The following SWAP70 variants were observed in gnomAD, a reference collection of about 807,000 sequenced individuals.
SWAP70 encodes switch-associated protein 70.
In SWAP70, 34 loss-of-function variants were observed where a neutral mutation model predicts 80.2. The observed-to-expected ratio is 0.42, with a 90% CI of 0.32 to 0.56. The LOEUF is 0.56. Among genes scored for constraint, SWAP70 ranks in the 20% least tolerant of loss-of-function variants. The pLI, the probability that SWAP70 is intolerant of heterozygous loss-of-function variation, is 0.09. For missense variants in SWAP70, 578 were observed against 690.7 expected (o/e 0.84, Z 1.83); for synonymous variants, 239 against 238.5 (o/e 1.00, Z -0.02).
At chr11:9,677,756 AT>A (rs1172066526) in intron 1 of SWAP70, among the ~76,000 whole-genome samples, 2 of 152,102 alleles carry the variant, frequency 1.3e-5, no homozygotes, top group Admixed American at 1.3e-4. Flanking sequence ...CTTTAAAAAA[AT>A]TTATTGTACC....
At chr11:9,732,972 A>G (rs1851319972) in intron 7 of SWAP70, among the ~76,000 whole-genome samples, 1 of 152,184 alleles carries the variant, frequency 6.6e-6, no homozygotes, top group Non-Finnish European at 1.5e-5. Flanking sequence ...GCACAGTTGA[A>G]TTTCGTCAGA....
intron 1 of SWAP70, among the ~76,000 whole-genome samples, chr11:9,666,870 A>G (rs993561461): frequency 6.6e-6 from 1 of 151,504 alleles, no homozygotes; most frequent in African/African-American, 2.4e-5. Flanking sequence ...GACTACAGAC[A>G]CGTGCCACCA....
chr11:9,738,289 G>A lies in SWAP70; in HGVS notation c.1157G>A (p.Arg386Lys), dbSNP rs1458139021. ...CAGACTCAAGTGGAACTTCAGGCCA[G>A]GTTCAGCACAGAGCTGGAAAGAGAG... ...RLQTQVELQA[R>K]FSTELEREKL... Residue 386 changes from arginine to lysine, a missense_variant, in exon 8 of 12, where the codon AGG (arginine) becomes AAG (lysine). Physicochemically the swap from Arg to Lys is conservative, Grantham distance 26. Coordinates refer to ENST00000318950, the MANE Select transcript of SWAP70 (RefSeq NM_015055.4). The A allele has an allele frequency of 6.2e-7, 1 of 1,609,962 alleles. No individual in the cohort carries two copies. Among genetic ancestry groups the A allele is most frequent in the Non-Finnish European group, 8.5e-7 (1 of 1,178,148 alleles).
At chr11:9,748,280 A>G (rs1851537903) in intron 10 of SWAP70, among the ~76,000 whole-genome samples, 1 of 150,530 alleles carries the variant, frequency 6.6e-6, no homozygotes, top group African/African-American at 2.5e-5. Flanking sequence ...AATATAAAAC[A>G]TTATTAACTG....
intron 1 of SWAP70, among the ~76,000 whole-genome samples, chr11:9,676,854 C>G (rs1204558549): frequency 6.6e-6 from 1 of 152,000 alleles, no homozygotes; most frequent in East Asian, 1.9e-4. Context: ...GGGGTGTCAC[C>G]ATGTTAGGCA....
At chr11:9,729,116 C>T (rs959798987) in intron 5 of SWAP70, among the ~76,000 whole-genome samples, 4 of 152,124 alleles carry the variant, frequency 2.6e-5, no homozygotes, top group African/African-American at 4.8e-5. Context: ...CAATGCATGG[C>T]ATCCTATCAG....
intron 1 of SWAP70, among the ~76,000 whole-genome samples, chr11:9,684,487 T>A (rs1234623604): frequency 1.3e-5 from 2 of 152,170 alleles, no homozygotes; most frequent in Non-Finnish European, 2.9e-5. Flanking sequence ...GTCAAGGAGC[T>A]CAGAGCCCCC....
intron 6 of SWAP70, among the ~76,000 whole-genome samples, chr11:9,730,897 C>G (rs1443142654): frequency 1.3e-5 from 2 of 152,184 alleles, no homozygotes; most frequent in Non-Finnish European, 2.9e-5. Flanking sequence ...GCATTGTACC[C>G]AACAGCTAGA....
At chr11:9,683,801 A>G (rs1850597557) in intron 1 of SWAP70, among the ~76,000 whole-genome samples, 1 of 152,180 alleles carries the variant, frequency 6.6e-6, no homozygotes, top group South Asian at 2.1e-4. Context: ...AGCTTAACAC[A>G]GTCCTTGTAG....
intron 4 of SWAP70, among the ~76,000 whole-genome samples, chr11:9,725,567 ATATTTTT>A (rs1260699510): frequency 1.2e-3 from 20 of 17,294 alleles, no homozygotes; most frequent in African/African-American, 2.0e-3. Context: ...ATATATATAT[ATATTTTT>A]TTTTTTTTTT....
intron 1 of SWAP70, among the ~76,000 whole-genome samples, chr11:9,671,658 C>CTA (rs1452125158): frequency 0.037 from 504 of 13,560 alleles, 6 homozygotes; most frequent in African/African-American, 0.16. Context: ...AAATATATTT[C>CTA]TATATAAATA....
Position 9,714,198 on chromosome 11 carries a change from T to G in SWAP70, c.414+559T>G, listed in dbSNP as rs928280402. ...TAACTGTCCTAAAAAGTGACACATG[T>G]TAATACATGGTTATTACAGTAGAAA... On this transcript the variant is annotated intron_variant, in intron 3 of 11. Transcript: ENST00000318950. Among the ~76,000 whole-genome samples, 24 of 152,346 alleles carry G rather than the reference T, an allele frequency of 1.6e-4. 1 individual carries two copies. Among genetic ancestry groups the G allele is most frequent in the Admixed American group, 5.2e-4 (8 of 15,302 alleles).
intron 1 of SWAP70, among the ~76,000 whole-genome samples, chr11:9,670,247 G>A (rs1462755245): frequency 1.3e-5 from 2 of 152,178 alleles, no homozygotes; most frequent in Non-Finnish European, 2.9e-5. Context: ...CTTGACCCAT[G>A]ATTGGGTGGG....
At position 9,750,059 on chromosome 11, in the gene SWAP70, C is replaced by A; in HGVS notation, c.*89C>A. The A allele has an allele frequency of 2.1e-6, 2 of 939,012 alleles. No homozygotes were observed. The highest frequency in any genetic ancestry group is 3.3e-6 in the Non-Finnish European group (2 of 609,110). 58.2% of individuals were successfully genotyped at this position (939,012 alleles called of 1,614,324 possible). On this transcript the variant is annotated 3_prime_UTR_variant, in exon 12 of 12. Coordinates refer to ENST00000318950, the MANE Select transcript of SWAP70 (RefSeq NM_015055.4). Reference sequence around the variant, plus strand: ...AGACAAAAGAAACAGCTTTGGGGGCCGGGCGTGGTGGCTCACGCCTGTAAT... The same window carrying A: ...AGACAAAAGAAACAGCTTTGGGGGCAGGGCGTGGTGGCTCACGCCTGTAAT...
At chr11:9,664,330 T>C in intron 1 of SWAP70, 52 bp downstream of exon 1, 1 of 1,520,912 alleles carries the variant, frequency 6.6e-7, no homozygotes, top group Middle Eastern at 2.0e-4. Flanking sequence ...GCGCGCTCTG[T>C]ACTTCCCTTG....
chr11:9,729,202 A>G (rs937890349), intron 5 of SWAP70, 141 bp from the exon 6 acceptor site: 2 of 641,370 alleles, frequency 3.1e-6, no homozygotes, highest in African/African-American at 1.8e-5. Flanking sequence ...TGCTTAGGAA[A>G]CAGCATTAGT....
At chr11:9,710,391 G>A (rs904695531) in intron 2 of SWAP70, among the ~76,000 whole-genome samples, 7 of 152,136 alleles carry the variant, frequency 4.6e-5, no homozygotes, top group Non-Finnish European at 8.8e-5. Flanking sequence ...ATTTGATGGG[G>A]CCGTGGGAAA....
chr11:9,701,686 G>A (rs1850833992), intron 2 of SWAP70, among the ~76,000 whole-genome samples: 1 of 136,290 alleles, frequency 7.3e-6, no homozygotes, highest in Non-Finnish European at 1.6e-5. Flanking sequence ...AAACTTTTGT[G>A]GGCTCTTTTT....
At chr11:9,726,830 C>T (rs1246228993) in intron 4 of SWAP70, 4 of 453,702 alleles carry the variant, frequency 8.8e-6, no homozygotes, top group Non-Finnish European at 1.8e-5. Flanking sequence ...GAAGGAAATA[C>T]AGAACTAGTG....
Sources: gnomAD v4.1 joint callset for allele counts (sites outside exome capture counted in the v4.1 genomes callset) on GRCh38, gnomAD v4.1.1 for gene constraint, MANE v1.5 for transcripts, NCBI Gene and HGNC (gene_info 2026-07-23, HGNC 2026-07-21) for gene names.